WWOX: variants seen among roughly 807,000 people sequenced by gnomAD.
WWOX encodes WW domain-containing oxidoreductase.
A neutral mutation model predicts 46.2 loss-of-function variants in WWOX; 69 were observed. That is an observed-to-expected ratio of 1.49 (90% CI 1.23 to 1.82). The LOEUF is 1.82. Among genes scored for constraint, WWOX ranks in the 40% most tolerant of loss-of-function variants. The pLI is 0.00. For missense variants in WWOX, 919 were observed against 542.6 expected, an observed-to-expected ratio of 1.69 and a Z score of -6.89; for synonymous variants, 359 against 202.6, an observed-to-expected ratio of 1.77 and a Z score of -6.56.
intron 8 of WWOX, among the ~76,000 whole-genome samples, chr16:79,196,085 A>T (rs1027137285): frequency 1.3e-5 from 2 of 152,222 alleles, no homozygotes; most frequent in Non-Finnish European, 2.9e-5. Context: ...GAAGTACCAA[A>T]GCCAAAAGTA....
chr16:78,683,789 C>A (rs1381339246), intron 8 of WWOX, among the ~76,000 whole-genome samples: 1 of 152,088 alleles, frequency 6.6e-6, no homozygotes, highest in Non-Finnish European at 1.5e-5. Context: ...TGATTTAGGG[C>A]ATGAAGAGCT....
intron 8 of WWOX, among the ~76,000 whole-genome samples, chr16:78,836,423 T>C (rs532711643): frequency 2.6e-5 from 4 of 152,304 alleles, no homozygotes; most frequent in East Asian, 1.9e-4. Context: ...CTGAAACTTA[T>C]TCCCGCAAGG....
intron 8 of WWOX, among the ~76,000 whole-genome samples, chr16:78,469,204 C>G (rs2084161279): frequency 1.3e-5 from 2 of 152,176 alleles, no homozygotes; most frequent in Non-Finnish European, 2.9e-5. Flanking sequence ...TTTATTCCCT[C>G]TCCTGAGAAG....
chr16:78,635,562 C>T (rs190407889), intron 8 of WWOX, among the ~76,000 whole-genome samples: 32 of 152,228 alleles, frequency 2.1e-4, no homozygotes, highest in Middle Eastern at 6.8e-3. Context: ...ATCCTCTCTG[C>T]GCCTCAGTTT....
rs115826653 is a variant in WWOX, at chr16:78,438,353, G to T, written c.1056+5601G>T. 1.8e-3 allele frequency among the ~76,000 whole-genome samples: 281 copies of T among 152,092 alleles called. 1 individual carries two copies. The highest frequency in any genetic ancestry group is 6.3e-3 in the African/African-American group (261 of 41,484). On this transcript the variant is annotated intron_variant, in intron 8 of 8. Transcript: ENST00000566780. ...GCTGCATTTGCTTTGTCCAATGCACGGTAATGCCCCTGGCATCCATATCTA... is the reference window on the plus strand; with the variant it reads ...GCTGCATTTGCTTTGTCCAATGCACTGTAATGCCCCTGGCATCCATATCTA...
intron 8 of WWOX, among the ~76,000 whole-genome samples, chr16:78,763,451 G>C (rs756380572): frequency 2.6e-5 from 4 of 152,204 alleles, no homozygotes; most frequent in Non-Finnish European, 4.4e-5. Flanking sequence ...GTAGTTTATA[G>C]TCCAAAAAGA....
intron 8 of WWOX, among the ~76,000 whole-genome samples, chr16:78,575,912 A>C (rs909879975): frequency 6.6e-6 from 1 of 152,210 alleles, no homozygotes; most frequent in Admixed American, 6.5e-5. Context: ...CTCTTTATAT[A>C]AAACATGCTA....
At chr16:78,213,476 A>G (rs534224300) in intron 5 of WWOX, among the ~76,000 whole-genome samples, 1 of 151,910 alleles carries the variant, frequency 6.6e-6, no homozygotes, top group Non-Finnish European at 1.5e-5. Context: ...TGTGTGCCCT[A>G]AAGAATTGAA....
chr16:78,433,910 C>A (rs2083280168), intron 8 of WWOX, among the ~76,000 whole-genome samples: 1 of 150,984 alleles, frequency 6.6e-6, no homozygotes, highest in Admixed American at 6.6e-5. Context: ...CTGCCTCAGC[C>A]TCCCAAGTAG....
chr16:78,100,198 C>G (rs896876133), intron 1 of WWOX: 11 of 1,205,842 alleles, frequency 9.1e-6, no homozygotes, highest in Non-Finnish European at 1.1e-5. Context: ...TTAAAAAGCG[C>G]ACATGCTCAG....
intron 5 of WWOX, among the ~76,000 whole-genome samples, chr16:78,249,817 T>C (rs940581827): frequency 1.5e-5 from 2 of 134,358 alleles, no homozygotes; most frequent in East Asian, 2.2e-4. Flanking sequence ...AAACATTTAA[T>C]ACAGAGATGG....
intron 8 of WWOX, among the ~76,000 whole-genome samples, chr16:78,476,112 G>C (rs1050921361): frequency 7.9e-5 from 12 of 152,234 alleles, no homozygotes; most frequent in Admixed American, 4.6e-4. Context: ...ACCAAATCCA[G>C]GCAAATCTTG....
chr16:79,063,001 G>C, intron 8 of WWOX, among the ~76,000 whole-genome samples: 1 of 152,324 alleles, frequency 6.6e-6, no homozygotes, highest in East Asian at 1.9e-4. Flanking sequence ...ATTTTTAGCA[G>C]GATTTTGGCA....
At chr16:78,215,105 A>G (rs1272250805) in intron 5 of WWOX, among the ~76,000 whole-genome samples, 3 of 151,794 alleles carry the variant, frequency 2.0e-5, no homozygotes, top group Admixed American at 2.0e-4. Context: ...AGGATGGAAG[A>G]TTGCATGATA....
chr16:79,111,440 G>T (rs924379657), intron 8 of WWOX, among the ~76,000 whole-genome samples: 2 of 152,136 alleles, frequency 1.3e-5, no homozygotes, highest in Admixed American at 6.6e-5. Flanking sequence ...ACTGTTTTCT[G>T]TATTGTTTAG....
At chr16:78,152,752 G>C (rs564113789) in intron 4 of WWOX, among the ~76,000 whole-genome samples, 3 of 152,318 alleles carry the variant, frequency 2.0e-5, no homozygotes, top group African/African-American at 7.2e-5. Flanking sequence ...TGCCTCTCGA[G>C]AGATCTCATG....
At position 78,099,710 on chromosome 16, in the gene WWOX, G is replaced by T. The variant is rs1394153851; in HGVS notation, c.-69G>T. ...ACGCGCGCGGGTCTCGTTTGGAGCG[G>T]GAGTGAGTTCCTGAGCGAGTGGACC... On this transcript the variant is annotated 5_prime_UTR_variant, in exon 1 of 9. Transcript: ENST00000566780. 1.9e-5 allele frequency: 28 copies of T among 1,485,942 alleles called. No homozygotes were observed. The highest frequency in any genetic ancestry group is 2.5e-5 in the Non-Finnish European group (28 of 1,118,124). The allele number at this position is 1,485,942 out of a possible 1,614,324, so 92.0% of individuals were successfully genotyped here.
At chr16:78,594,625 A>C (rs993239443) in intron 8 of WWOX, among the ~76,000 whole-genome samples, 2 of 151,900 alleles carry the variant, frequency 1.3e-5, no homozygotes, top group African/African-American at 4.8e-5. Context: ...CCAGAAAGGG[A>C]TGATAGCCCC....
intron 8 of WWOX, among the ~76,000 whole-genome samples, chr16:79,145,298 C>T (rs549243396): frequency 3.3e-4 from 50 of 152,240 alleles, no homozygotes; most frequent in African/African-American, 1.2e-3. Context: ...AACCAACCAA[C>T]GAAACAGCAA....
Sources: allele counts gnomAD v4.1 joint callset (sites outside exome capture counted in the v4.1 genomes callset), GRCh38; gene constraint gnomAD v4.1.1; transcripts MANE v1.5; gene names NCBI Gene and HGNC (gene_info 2026-07-23, HGNC 2026-07-21).